The following ASIC2 variants were observed in gnomAD, a reference collection of about 807,000 sequenced individuals.
The protein encoded by ASIC2 is acid sensing ion channel subunit 2, also known as acid-sensing ion channel 2.
ASIC2 carries 25 observed loss-of-function variants against 57.3 expected under a neutral mutation model. The ratio of observed to expected loss-of-function variants is 0.44; its 90% confidence interval spans 0.32 to 0.61. The LOEUF is 0.61. Ranked by LOEUF, ASIC2 falls within the 20% of genes least tolerant of loss-of-function variation. The probability of loss-of-function intolerance (pLI) is 0.06; values close to 1 mark genes in which losing one functional copy is unlikely to be tolerated. For synonymous variants in ASIC2, 319 were observed against 307.5 expected (o/e 1.04, Z -0.39); for missense variants, 641 against 738.1 (o/e 0.87, Z 1.52).
chr17:33,891,490 G>A (rs930481448), intron 1 of ASIC2, among the ~76,000 whole-genome samples: 3 of 152,304 alleles, frequency 2.0e-5, no homozygotes, highest in Admixed American at 2.0e-4. Context: ...AAGGGATGCT[G>A]TGGAGGATAC....
At position 34,011,341 on chromosome 17, in the gene ASIC2, A is replaced by AT. The variant is rs200575677; in HGVS notation, c.555+144636dup. Among the ~76,000 whole-genome samples, 35 of 151,970 alleles carry AT rather than the reference A, an allele frequency of 2.3e-4. 1 individual carries two copies. In the East Asian group the frequency reaches 5.2e-3, roughly 23 times the overall value. On this transcript the variant is annotated intron_variant, in intron 1 of 9. Coordinates refer to the ASIC2 transcript ENST00000359872. ...CAGCCTTGCTTCCCACTTAAGGTCT[A>AT]TTTTTTTGGGCTCAGGTCACTCACT...
intron 1 of ASIC2, among the ~76,000 whole-genome samples, chr17:33,683,563 A>G (rs1442389761): frequency 6.6e-6 from 1 of 151,850 alleles, no homozygotes; most frequent in African/African-American, 2.4e-5. Flanking sequence ...TCTTGTAGAG[A>G]TAGGGTCTTG....
In ASIC2 at chr17:33,801,165, C is replaced by T. The variant is rs181105867; in HGVS notation, c.555+354813G>A. On this transcript the variant is annotated intron_variant, in intron 1 of 9. Coordinates refer to the ASIC2 transcript ENST00000359872. ...TTGAAGCTGGTATCATTCACTCACA[C>T]CTCTGGTGAAGAAAGGAATTAGTGA... 3.9e-3 allele frequency among the ~76,000 whole-genome samples: 598 copies of T among 152,226 alleles called. 5 individuals are homozygous for T. In the Middle Eastern group the frequency reaches 0.051, roughly 13 times the overall value.
intron 1 of ASIC2, among the ~76,000 whole-genome samples, chr17:33,674,346 C>T (rs1425101791): frequency 6.6e-6 from 1 of 152,170 alleles, no homozygotes; most frequent in African/African-American, 2.4e-5. Context: ...ATCTGAGTTA[C>T]CTTTGAAACT....
At chr17:33,511,135 C>T (rs1310977802) in intron 1 of ASIC2, among the ~76,000 whole-genome samples, 1 of 149,888 alleles carries the variant, frequency 6.7e-6, no homozygotes, top group East Asian at 2.0e-4. Flanking sequence ...TCCATGCCCC[C>T]TCCAGCTGTA....
At chr17:33,064,454 C>T (rs2092034561) in intron 3 of ASIC2, among the ~76,000 whole-genome samples, 1 of 152,156 alleles carries the variant, frequency 6.6e-6, no homozygotes, top group African/African-American at 2.4e-5. Context: ...GGGTAATCTT[C>T]AATACCTGTT....
At chr17:33,997,305 TAA>T (rs1380225437) in intron 1 of ASIC2, among the ~76,000 whole-genome samples, 1 of 118,666 alleles carries the variant, frequency 8.4e-6, no homozygotes. Flanking sequence ...CATGCACGGT[TAA>T]TTTTTTTTTT....
chr17:33,030,856 A>G (rs1254007868), intron 3 of ASIC2, among the ~76,000 whole-genome samples: 2 of 152,102 alleles, frequency 1.3e-5, no homozygotes, highest in Admixed American at 6.5e-5. Flanking sequence ...TCCTGGGATA[A>G]ACTCCACTTA....
intron 1 of ASIC2, among the ~76,000 whole-genome samples, chr17:34,140,217 C>A (rs1912235895): frequency 6.6e-6 from 1 of 152,078 alleles, no homozygotes; most frequent in Non-Finnish European, 1.5e-5. Flanking sequence ...GGGCGCCATT[C>A]AAGAGAATTG....
At chr17:33,020,682 T>G (rs940727183) in intron 7 of ASIC2, among the ~76,000 whole-genome samples, 1 of 152,036 alleles carries the variant, frequency 6.6e-6, no homozygotes, top group Non-Finnish European at 1.5e-5. Context: ...CTGGGGAGAG[T>G]GGCCCTTCAT....
chr17:33,209,254 G>T (rs960841003), intron 1 of ASIC2, among the ~76,000 whole-genome samples: 6 of 152,094 alleles, frequency 3.9e-5, no homozygotes, highest in Non-Finnish European at 4.4e-5. Context: ...CTATTATTCT[G>T]GTTGCTGGGA....
chr17:33,603,250 T>A (rs1905151560), intron 1 of ASIC2, among the ~76,000 whole-genome samples: 1 of 151,792 alleles, frequency 6.6e-6, no homozygotes, highest in Non-Finnish European at 1.5e-5. Context: ...GTGGTGGGAG[T>A]GGTGGGGGTG....
At chr17:33,162,790 G>A (rs1015117617) in intron 1 of ASIC2, among the ~76,000 whole-genome samples, 5 of 152,166 alleles carry the variant, frequency 3.3e-5, no homozygotes, top group African/African-American at 1.2e-4. Context: ...AGGGGGCCGT[G>A]GCTCCTGTTT....
At chr17:33,333,882 G>T (rs1231784204) in intron 1 of ASIC2, among the ~76,000 whole-genome samples, 3 of 152,184 alleles carry the variant, frequency 2.0e-5, no homozygotes, top group Non-Finnish European at 4.4e-5. Flanking sequence ...TGACAATTTG[G>T]AAAGTCTTTC....
intron 1 of ASIC2, among the ~76,000 whole-genome samples, chr17:33,355,391 A>G (rs922943988): frequency 1.3e-5 from 2 of 151,922 alleles, no homozygotes; most frequent in African/African-American, 4.8e-5. Flanking sequence ...AAACAGATTC[A>G]GAGAAGCAGT....
At chr17:33,325,876 G>A (rs571225705) in intron 1 of ASIC2, among the ~76,000 whole-genome samples, 1 of 152,240 alleles carries the variant, frequency 6.6e-6, no homozygotes, top group Admixed American at 6.5e-5. Context: ...TGACTGCTAG[G>A]TTTTGGCCAG....
intron 1 of ASIC2, among the ~76,000 whole-genome samples, chr17:34,147,504 A>C (rs1256722435): frequency 6.6e-6 from 1 of 152,234 alleles, no homozygotes; most frequent in African/African-American, 2.4e-5. Flanking sequence ...GCCCAACCTG[A>C]TAAACAGGCT....
intron 1 of ASIC2, among the ~76,000 whole-genome samples, chr17:33,555,970 C>T (rs1257852573): frequency 1.3e-5 from 2 of 152,166 alleles, no homozygotes; most frequent in Non-Finnish European, 2.9e-5. Flanking sequence ...ACGAAGGCTA[C>T]CAGGAAGGAT....
intron 1 of ASIC2, among the ~76,000 whole-genome samples, chr17:33,667,330 C>G (rs112111662): frequency 1.3e-4 from 20 of 152,308 alleles, no homozygotes; most frequent in African/African-American, 4.8e-4. Flanking sequence ...GGGAGGAAGA[C>G]AGCGTGCACA....
Sources: allele counts gnomAD v4.1 joint callset (sites outside exome capture counted in the v4.1 genomes callset), GRCh38; gene constraint gnomAD v4.1.1; transcripts MANE v1.5; gene names NCBI Gene and HGNC (gene_info 2026-07-23, HGNC 2026-07-21).